The following WDR17 variants were observed in gnomAD, a reference collection of about 807,000 sequenced individuals.
The protein encoded by WDR17 is WD repeat domain 17.
In WDR17, 143 loss-of-function variants were observed where a neutral mutation model predicts 161.7. That is an observed-to-expected ratio of 0.88 (90% CI 0.77 to 1.02). The LOEUF (loss-of-function observed/expected upper bound fraction) is 1.02. WDR17 is among the 50% of genes least tolerant of loss of function. The probability of loss-of-function intolerance (pLI) is 0.00; values close to 1 mark genes in which losing one functional copy is unlikely to be tolerated. For synonymous variants in WDR17, 517 were observed against 515.6 expected, an observed-to-expected ratio of 1.00 and a Z score of -0.04; for missense variants, 1,469 against 1,520.9, an observed-to-expected ratio of 0.97 and a Z score of 0.57.
rs1742367343 is a variant in WDR17 at position 176,125,846 on chromosome 4, G to A, written c.790+491G>A. Among the ~76,000 whole-genome samples the A allele has an allele frequency of 1.3e-5, 2 of 152,270 alleles. 1 individual carries two copies. Among genetic ancestry groups the A allele is most frequent in the African/African-American group, 4.8e-5 (2 of 41,546 alleles). ...AACCATAAAAGGTTTATAGTTTATA[G>A]TAATCTAAACTATAAACTAGTTTAG... On this transcript the variant is annotated intron_variant, in intron 5 of 28. Transcript: ENST00000508596.
chr4:176,172,953 A>C (rs999971461), intron 24 of WDR17, among the ~76,000 whole-genome samples: 2 of 152,190 alleles, frequency 1.3e-5, no homozygotes, highest in African/African-American at 4.8e-5. Context: ...TCCCTACTCC[A>C]ACATTGGGGA....
chr4:176,139,913 T>C lies in WDR17; in HGVS notation c.1381T>C (p.Cys461Arg). The change falls in exon 10 of 29, where the codon TGC (cysteine) becomes CGC (arginine). Residue 461 changes from cysteine to arginine, a missense_variant. By Grantham distance (180) the Cys-to-Arg change is radical. Transcript: ENST00000508596. ...GAAGCATGGAACAAATGGAATATTC[T>C]GCATTGCCTGGAGTCATAAAGATTC... ...FNEHGTNGIF[C>R]IAWSHKDSKR... 6.8e-6 allele frequency: 11 copies of C among 1,611,430 alleles called. No individual in the cohort carries two copies. Among genetic ancestry groups the C allele is most frequent in the Non-Finnish European group, 9.3e-6 (11 of 1,178,572 alleles).
In WDR17 at chr4:176,108,828, C is replaced by A. The variant is rs78579410; in HGVS notation, c.-6-2747C>A. 3.8e-3 allele frequency among the ~76,000 whole-genome samples: 582 copies of A among 152,244 alleles called. 33 individuals carry two copies. In the East Asian group the frequency reaches 0.1, roughly 27 times the overall value. On this transcript the variant is annotated intron_variant, in intron 1 of 28. Transcript: ENST00000508596. Reference sequence around the variant, plus strand: ...TTTATTTATTTGAGACTTGCTGTGTCTCCCAGGCTAGAGTGCAGTGGCATG... The same window carrying A: ...TTTATTTATTTGAGACTTGCTGTGTATCCCAGGCTAGAGTGCAGTGGCATG...
At chr4:176,136,823 G>A (rs1744490413) in intron 8 of WDR17, among the ~76,000 whole-genome samples, 1 of 151,506 alleles carries the variant, frequency 6.6e-6, no homozygotes, top group African/African-American at 2.4e-5. Flanking sequence ...CATTTTTAGT[G>A]TGTATAATCA....
intron 1 of WDR17, among the ~76,000 whole-genome samples, chr4:176,083,089 C>A (rs1258862354): frequency 6.6e-6 from 1 of 151,716 alleles, no homozygotes; most frequent in Non-Finnish European, 1.5e-5. Flanking sequence ...CTATTTTTTC[C>A]TCTAAAAATT....
chr4:176,144,763 C>T (rs990932171), intron 11 of WDR17, among the ~76,000 whole-genome samples: 1 of 151,980 alleles, frequency 6.6e-6, no homozygotes, highest in Non-Finnish European at 1.5e-5. Context: ...GGTAAGTGAA[C>T]CTTGAACATA....
intron 9 of WDR17, among the ~76,000 whole-genome samples, chr4:176,138,397 T>C (rs540468671): frequency 1.3e-4 from 20 of 151,850 alleles, no homozygotes; most frequent in South Asian, 8.3e-4. Flanking sequence ...CTACTTGTAG[T>C]AGCGTAGCAA....
intron 18 of WDR17, 111 bp downstream of exon 18, chr4:176,156,254 T>A: frequency 1.0e-6 from 1 of 979,652 alleles, no homozygotes; most frequent in Non-Finnish European, 1.5e-6. Flanking sequence ...TATGTTGTCT[T>A]AAATAACAAT....
chr4:176,177,676 AAC>A, intron 28 of WDR17, 22 bp downstream of exon 28: 1 of 1,560,180 alleles, frequency 6.4e-7, no homozygotes, highest in South Asian at 1.2e-5. Flanking sequence ...CATCAGACAT[AAC>A]ATGTGTATTT....
In WDR17 at chr4:176,111,593, A is replaced by AG; in HGVS notation, c.15dup (p.Gln6AlafsTer42). The AG allele has an allele frequency of 6.2e-7, 1 of 1,606,230 alleles. No individual in the cohort carries two copies. The highest frequency in any genetic ancestry group is 2.2e-5 in the East Asian group (1 of 44,682). ...TTTCAAGGCAAACATGTCCCAGGTA[A>AG]GGCAAGTGGGATTGCTGGCTGCTGG... On this transcript the variant is annotated frameshift_variant, in exon 2 of 29. Transcript: ENST00000508596. LOFTEE classifies it high-confidence loss of function.
At chr4:176,132,382 T>A (rs1210978305) in intron 7 of WDR17, among the ~76,000 whole-genome samples, 5 of 152,066 alleles carry the variant, frequency 3.3e-5, no homozygotes, top group African/African-American at 1.2e-4. Flanking sequence ...TCAAAAACAA[T>A]CCTCTTTAAT....
chr4:176,071,018 C>T (rs1379492275), intron 1 of WDR17, among the ~76,000 whole-genome samples: 2 of 151,926 alleles, frequency 1.3e-5, no homozygotes, highest in African/African-American at 4.8e-5. Flanking sequence ...GCTCATCCTG[C>T]TTCAAAAACT....
intron 1 of WDR17, 107 bp from the exon 2 acceptor site, chr4:176,111,468 T>C (rs77175592): frequency 0.01 from 13,036 of 1,263,432 alleles, 88 homozygotes; most frequent in Middle Eastern, 0.027. Context: ...ACTAGTAAAA[T>C]GTTTTTCAGG....
intron 9 of WDR17, among the ~76,000 whole-genome samples, 154 bp from the exon 10 acceptor site, chr4:176,139,738 G>T (rs1744953665): frequency 6.6e-6 from 1 of 151,984 alleles, no homozygotes; most frequent in African/African-American, 2.4e-5. Flanking sequence ...TTTTTAAAGT[G>T]TATAATCAGG....
intron 11 of WDR17, among the ~76,000 whole-genome samples, chr4:176,145,356 A>G (rs1745997454): frequency 6.6e-6 from 1 of 152,226 alleles, no homozygotes; most frequent in Non-Finnish European, 1.5e-5. Context: ...AAGAACATTA[A>G]AAGATCAAAT....
intron 22 of WDR17, 30 bp downstream of exon 22, chr4:176,163,323 T>C (rs1471471705): frequency 7.0e-6 from 11 of 1,580,546 alleles, no homozygotes; most frequent in Non-Finnish European, 9.4e-6. Flanking sequence ...AAGAATAATT[T>C]CATAGTGATG....
At chr4:176,172,242 T>G in intron 23 of WDR17, 133 bp from the exon 24 acceptor site, 1 of 763,058 alleles carries the variant, frequency 1.3e-6, no homozygotes, top group Non-Finnish European at 2.1e-6. Context: ...TTCAAATAAT[T>G]TCATTTACAT....
chr4:176,130,558 C>A (rs979834928), intron 6 of WDR17, among the ~76,000 whole-genome samples: 2 of 151,672 alleles, frequency 1.3e-5, no homozygotes, highest in East Asian at 1.9e-4. Context: ...TCCTGGCTAA[C>A]ACAGTGAAAC....
At chr4:176,166,066 GTTTC>G in intron 22 of WDR17, 1 of 932,714 alleles carries the variant, frequency 1.1e-6, no homozygotes, top group Non-Finnish European at 1.6e-6. Context: ...GTAAAAGTCT[GTTTC>G]TTTGTGGTAT....
Sources: allele counts gnomAD v4.1 joint callset (sites outside exome capture counted in the v4.1 genomes callset), GRCh38; gene constraint gnomAD v4.1.1; transcripts MANE v1.5; gene names NCBI Gene and HGNC (gene_info 2026-07-23, HGNC 2026-07-21).